Variants in CTDSPL observed in about 807,000 individuals in gnomAD.
CTDSPL encodes CTD small phosphatase like.
CTDSPL carries 8 observed loss-of-function variants against 30.5 expected under a neutral mutation model. The observed-to-expected ratio is 0.26, with a 90% CI of 0.15 to 0.47. The LOEUF is 0.47. CTDSPL is among the 20% of genes least tolerant of loss of function. The pLI, the probability that CTDSPL is intolerant of heterozygous loss-of-function variation, is 0.99. For missense variants in CTDSPL, 248 were observed against 366.1 expected (o/e 0.68, Z 2.63); for synonymous variants, 110 against 137.9 (o/e 0.80, Z 1.42).
At chr3:37,957,018 C>A in intron 2 of CTDSPL, 93 bp from the exon 3 acceptor site, 1 of 1,005,664 alleles carries the variant, frequency 9.9e-7, no homozygotes, top group Non-Finnish European at 1.6e-6. Context: ...GCAGATCATG[C>A]AGCTGCTGTG....
intron 1 of CTDSPL, among the ~76,000 whole-genome samples, chr3:37,894,825 A>G (rs370282576): frequency 1.3e-5 from 2 of 152,086 alleles, no homozygotes; most frequent in South Asian, 2.1e-4. Flanking sequence ...CTTTTCTGTT[A>G]TCACTATTCT....
chr3:37,969,672 G>A (rs1699344102), intron 5 of CTDSPL, among the ~76,000 whole-genome samples: 1 of 152,210 alleles, frequency 6.6e-6, no homozygotes, highest in Non-Finnish European at 1.5e-5. Context: ...CAAAGTGGGA[G>A]TCTGCAGCTG....
chr3:37,928,490 G>A (rs77563801), intron 1 of CTDSPL, among the ~76,000 whole-genome samples: 260 of 152,254 alleles, frequency 1.7e-3, no homozygotes, highest in African/African-American at 5.9e-3. Context: ...CAGTGATGTC[G>A]TGCACCTTCT....
chr3:37,924,771 G>A lies in CTDSPL; in HGVS notation c.80-22286G>A, dbSNP rs147219628. Among the ~76,000 whole-genome samples, 12 of 152,274 alleles carry A rather than the reference G, an allele frequency of 7.9e-5. No homozygotes were observed. The East Asian group carries it at 2.3e-3, about 29-fold the overall frequency. On this transcript the variant is annotated intron_variant, in intron 1 of 7. Coordinates refer to ENST00000273179, the MANE Select transcript of CTDSPL (RefSeq NM_001008392.2). Reference sequence around the variant, plus strand: ...TCCCTCACGTCTGCTCATCTGTGCAGACCCAGTGCCGATGGTAGGAAAGCT... The same window carrying A: ...TCCCTCACGTCTGCTCATCTGTGCAAACCCAGTGCCGATGGTAGGAAAGCT...
At chr3:37,930,012 C>T (rs1698832726) in intron 1 of CTDSPL, among the ~76,000 whole-genome samples, 1 of 151,198 alleles carries the variant, frequency 6.6e-6, no homozygotes, top group Non-Finnish European at 1.5e-5. Flanking sequence ...GAGGCTGAGG[C>T]AGGAGAATAG....
chr3:37,934,327 TA>T (rs879495242), intron 1 of CTDSPL, among the ~76,000 whole-genome samples: 265 of 141,672 alleles, frequency 1.9e-3, no homozygotes, highest in Admixed American at 1.9e-3. Context: ...CCCTCTCTCT[TA>T]AAAAAAAAAA....
chr3:37,930,073 C>T (rs2125614712), intron 1 of CTDSPL, among the ~76,000 whole-genome samples: 1 of 150,468 alleles, frequency 6.6e-6, no homozygotes, highest in East Asian at 2.0e-4. Flanking sequence ...CACCACTGCA[C>T]TCCAGCCTGG....
chr3:37,861,920 G>GGGCCTCCCGCTC lies in CTDSPL; in HGVS notation c.-279_-268dup, dbSNP rs2125584344. 7.4e-6 allele frequency: 1 copy of GGGCCTCCCGCTC among 134,600 alleles called. No homozygotes were observed. The highest frequency in any genetic ancestry group is 2.7e-5 in the African/African-American group (1 of 36,576). The allele number at this position is 134,600 out of a possible 1,614,324, so 8.3% of individuals were successfully genotyped here. ...GCCCGCTCCCGCTTCCAGCGGCGCC[G>GGGCCTCCCGCTC]GGCCTCCCGCTCCGCCTCCCCGTGC... is the stretch of plus-strand genomic sequence containing the variant. On this transcript the variant is annotated 5_prime_UTR_variant, in exon 1 of 8. Transcript: ENST00000273179.
At chr3:37,902,670 G>A (rs1698464677) in intron 1 of CTDSPL, among the ~76,000 whole-genome samples, 1 of 152,058 alleles carries the variant, frequency 6.6e-6, no homozygotes, top group Admixed American at 6.5e-5. Flanking sequence ...TGCTGCTTCT[G>A]CTGCATCTCA....
intron 1 of CTDSPL, among the ~76,000 whole-genome samples, chr3:37,875,438 A>G (rs1050156321): frequency 5.9e-5 from 9 of 152,264 alleles, no homozygotes; most frequent in African/African-American, 1.9e-4. Flanking sequence ...GCAGCTTAAT[A>G]TTTGATGACT....
intron 1 of CTDSPL, among the ~76,000 whole-genome samples, chr3:37,898,241 C>T (rs965960402): frequency 2.6e-5 from 4 of 152,120 alleles, no homozygotes; most frequent in Non-Finnish European, 4.4e-5. Flanking sequence ...AAGGATGTAC[C>T]CCTAGGCCCA....
At chr3:37,919,193 T>C (rs1698685869) in intron 1 of CTDSPL, among the ~76,000 whole-genome samples, 2 of 152,156 alleles carry the variant, frequency 1.3e-5, no homozygotes, top group South Asian at 4.1e-4. Context: ...AGGCTATCCA[T>C]TGATATTTTA....
intron 1 of CTDSPL, among the ~76,000 whole-genome samples, chr3:37,932,989 C>T (rs1559637518): frequency 1.3e-5 from 2 of 151,922 alleles, no homozygotes; most frequent in South Asian, 4.2e-4. Flanking sequence ...CCTGTCTCTA[C>T]TAAAAATACA....
chr3:37,982,835 G>A lies in CTDSPL; in HGVS notation c.*1968G>A, dbSNP rs780451295. ...ATTAAATGAACCCACTGCCTTAAAT[G>A]TCTTGAATGTTGCAGTCAAGTGTCT... On this transcript the variant is annotated 3_prime_UTR_variant, in exon 8 of 8. Coordinates refer to ENST00000273179, the MANE Select transcript of CTDSPL (RefSeq NM_001008392.2). The A allele has an allele frequency of 2.8e-6, 1 of 361,310 alleles. No individual in the cohort carries two copies. Among genetic ancestry groups the A allele is most frequent in the Non-Finnish European group, 5.5e-6 (1 of 182,046 alleles). The allele number at this position is 361,310 out of a possible 1,614,324, so 22.4% of individuals were successfully genotyped here. A position where few individuals can be genotyped will look rare whatever the true frequency, so the allele number is the denominator to read the frequency against.
At chr3:37,875,430 A>G (rs932755655) in intron 1 of CTDSPL, among the ~76,000 whole-genome samples, 3 of 152,262 alleles carry the variant, frequency 2.0e-5, no homozygotes, top group African/African-American at 7.2e-5. Context: ...GAAGAGAAGC[A>G]GCTTAATATT....
At chr3:37,903,740 A>C (rs1698479572) in intron 1 of CTDSPL, among the ~76,000 whole-genome samples, 1 of 152,192 alleles carries the variant, frequency 6.6e-6, no homozygotes, top group African/African-American at 2.4e-5. Context: ...ACAAGCTCAG[A>C]GCTTCTTGGG....
intron 1 of CTDSPL, among the ~76,000 whole-genome samples, chr3:37,945,936 T>TA (rs1375009177): frequency 6.6e-6 from 1 of 152,226 alleles, no homozygotes; most frequent in Non-Finnish European, 1.5e-5. Context: ...AACTAGGTGT[T>TA]ACACAAATCA....
chr3:37,945,728 G>A (rs531298016), intron 1 of CTDSPL, among the ~76,000 whole-genome samples: 21 of 152,226 alleles, frequency 1.4e-4, no homozygotes, highest in Non-Finnish European at 2.9e-4. Context: ...CTCATCTTTA[G>A]TAAGTGTGGA....
intron 1 of CTDSPL, among the ~76,000 whole-genome samples, chr3:37,891,197 A>C (rs951482313): frequency 2.0e-5 from 3 of 152,182 alleles, no homozygotes; most frequent in Non-Finnish European, 2.9e-5. Flanking sequence ...CCCGTTACCC[A>C]GGGAGTGACC....
Sources: gnomAD v4.1 joint callset for allele counts (sites outside exome capture counted in the v4.1 genomes callset) on GRCh38, gnomAD v4.1.1 for gene constraint, MANE v1.5 for transcripts, NCBI Gene and HGNC (gene_info 2026-07-23, HGNC 2026-07-21) for gene names.